FAM168B: variants seen among roughly 807,000 people sequenced by gnomAD.
FAM168B encodes the protein family with sequence similarity 168 member B, also known as myelin-associated neurite-outgrowth inhibitor.
In FAM168B, 19 loss-of-function variants were observed where a neutral mutation model predicts 21.8. The ratio of observed to expected loss-of-function variants is 0.87; its 90% CI spans 0.61 to 1.28. The LOEUF (loss-of-function observed/expected upper bound fraction) is 1.28, where lower values mean the gene tolerates loss of function less well. FAM168B is among the 50% of genes most tolerant of loss of function. The probability of loss-of-function intolerance (pLI) is 0.00; values close to 1 mark genes in which losing one functional copy is unlikely to be tolerated. For synonymous variants in FAM168B, 126 were observed against 104.8 expected (o/e 1.20, Z -1.24); for missense variants, 233 against 263.1 (o/e 0.89, Z 0.79).
chr2:131,073,238 G>A (rs1342341308), intron 2 of FAM168B, among the ~76,000 whole-genome samples: 1 of 151,654 alleles, frequency 6.6e-6, no homozygotes, highest in East Asian at 1.9e-4. Flanking sequence ...GACTACAGGC[G>A]TGCACCACCA....
At chr2:131,054,236 T>TA (rs879882436) in intron 5 of FAM168B, among the ~76,000 whole-genome samples, 3,064 of 136,530 alleles carry the variant, frequency 0.022, 101 homozygotes, top group African/African-American at 0.074. Context: ...ATTTTAAAAT[T>TA]AAAAAAAAAA....
rs1447066725 is a variant in FAM168B at position 131,049,304 on chromosome 2, C to T, written c.*3161G>A. On this transcript the variant is annotated 3_prime_UTR_variant, in exon 7 of 7. Transcript: ENST00000389915. ...GGGCAAGACACTCACTGACCAGGTG[C>T]CCACCCCAAGGCTCAGGACCACCCC... 3 of 985,494 alleles carry T rather than the reference C, an allele frequency of 3.0e-6. No individual in the cohort carries two copies. The highest frequency in any genetic ancestry group is 3.6e-6 in the Non-Finnish European group (3 of 830,018). 61.0% of individuals were successfully genotyped at this position (985,494 alleles called of 1,614,324 possible). A position where few individuals can be genotyped will look rare whatever the true frequency, so the allele number is the denominator to read the frequency against.
Position 131,081,253 on chromosome 2 carries a change from T to A in FAM168B, c.70+1324A>T, listed in dbSNP as rs574966041. Among the ~76,000 whole-genome samples, 6 of 152,352 alleles carry A rather than the reference T, an allele frequency of 3.9e-5. No homozygotes were observed. In the South Asian group the frequency reaches 1.2e-3, roughly 32 times the overall value. On this transcript the variant is annotated intron_variant, in intron 2 of 6. Coordinates refer to ENST00000389915, the MANE Select transcript of FAM168B (RefSeq NM_001009993.4). ...CTAAACTTGGCTATGTGACATAGCA[T>A]CTACCTGATGGTTCTTCTCCTGCAG...
chr2:131,053,899 AAAC>A (rs1691850111), intron 5 of FAM168B, among the ~76,000 whole-genome samples: 1 of 151,982 alleles, frequency 6.6e-6, no homozygotes, highest in Non-Finnish European at 1.5e-5. Context: ...AAGATGGTAA[AAAC>A]AAATAAATAA....
intron 6 of FAM168B, 49 bp from the exon 7 acceptor site, chr2:131,052,501 C>T (rs995284740): frequency 1.4e-5 from 14 of 1,011,728 alleles, no homozygotes; most frequent in Non-Finnish European, 1.5e-5. Flanking sequence ...CTTCCGGCAC[C>T]GCTATTCCAA....
At chr2:131,062,352 C>T (rs921768133) in intron 3 of FAM168B, among the ~76,000 whole-genome samples, 1 of 152,226 alleles carries the variant, frequency 6.6e-6, no homozygotes, top group South Asian at 2.1e-4. Context: ...TCGAGGGGCC[C>T]ACCTACGATG....
intron 1 of FAM168B, among the ~76,000 whole-genome samples, chr2:131,090,636 C>T (rs1056306880): frequency 3.3e-5 from 5 of 152,104 alleles, no homozygotes; most frequent in Non-Finnish European, 7.4e-5. Context: ...GAGGCTGGGG[C>T]AGGAGGACTG....
Position 131,076,956 on chromosome 2 carries a change from G to A in FAM168B, c.71-5018C>T, listed in dbSNP as rs78362795. Among the ~76,000 whole-genome samples, 44 of 152,052 alleles carry A rather than the reference G, an allele frequency of 2.9e-4. No individual in the cohort carries two copies. The East Asian group carries it at 8.4e-3, about 29-fold the overall frequency. On this transcript the variant is annotated intron_variant, in intron 2 of 6. Coordinates refer to ENST00000389915, the MANE Select transcript of FAM168B (RefSeq NM_001009993.4). ...CACATTCTGTTAGCCAGGCTGTGGG[G>A]AAATCGTCTCACACTGCTGATAAGA...
chr2:131,079,987 G>A (rs1302986486), intron 2 of FAM168B, among the ~76,000 whole-genome samples: 2 of 151,330 alleles, frequency 1.3e-5, no homozygotes, highest in East Asian at 2.0e-4. Context: ...CATGGTGGCA[G>A]GCGCCTGTAA....
chr2:131,060,485 A>T (rs909980741), intron 3 of FAM168B, among the ~76,000 whole-genome samples: 1 of 152,238 alleles, frequency 6.6e-6, no homozygotes, highest in African/African-American at 2.4e-5. Context: ...ATTGAAAGAG[A>T]TAAGAGACAT....
At position 131,079,990 on chromosome 2, in the gene FAM168B, G is replaced by A. The variant is rs183507797; in HGVS notation, c.70+2587C>T. ...ACATTAGCTGGGCATGGTGGCAGGC[G>A]CCTGTAATCCCAGCAACTCAGGAGG... On this transcript the variant is annotated intron_variant, in intron 2 of 6. Coordinates refer to ENST00000389915, the MANE Select transcript of FAM168B (RefSeq NM_001009993.4). 4.0e-3 allele frequency among the ~76,000 whole-genome samples: 605 copies of A among 151,170 alleles called. 3 individuals are homozygous for A. The highest frequency in any genetic ancestry group is 6.4e-3 in the Non-Finnish European group (434 of 67,670).
chr2:131,091,634 G>C (rs536390756), intron 1 of FAM168B, among the ~76,000 whole-genome samples: 1 of 150,606 alleles, frequency 6.6e-6, no homozygotes, highest in Non-Finnish European at 1.5e-5. Context: ...GCGACAGAGC[G>C]ACACTCCGTC....
At chr2:131,089,835 C>G (rs1693915667) in intron 1 of FAM168B, among the ~76,000 whole-genome samples, 1 of 151,600 alleles carries the variant, frequency 6.6e-6, no homozygotes, top group African/African-American at 2.4e-5. Flanking sequence ...AATTCCAGAC[C>G]AGCCTGGCCA....
At chr2:131,090,988 C>T (rs966391252) in intron 1 of FAM168B, among the ~76,000 whole-genome samples, 26 of 152,314 alleles carry the variant, frequency 1.7e-4, no homozygotes, top group African/African-American at 6.0e-4. Context: ...CCTCAGCCTC[C>T]CAAAGTGCAG....
chr2:131,090,568 C>A lies in FAM168B; in HGVS notation c.-12+2646G>T, dbSNP rs868536798. Reference sequence around the variant, plus strand: ...ATTGGAAATTCTCAGTAATGTCTGGCAACATCAACAAGAGCTTGTAGACTT... The same window carrying A: ...ATTGGAAATTCTCAGTAATGTCTGGAAACATCAACAAGAGCTTGTAGACTT... On this transcript the variant is annotated intron_variant, in intron 1 of 6. Transcript: ENST00000389915. 2.8e-4 allele frequency among the ~76,000 whole-genome samples: 43 copies of A among 152,190 alleles called. 1 individual carries two copies. The highest frequency in any genetic ancestry group is 9.6e-4 in the African/African-American group (40 of 41,544).
intron 2 of FAM168B, among the ~76,000 whole-genome samples, chr2:131,072,147 G>C (rs1160062330): frequency 6.6e-6 from 1 of 152,178 alleles, no homozygotes; most frequent in Non-Finnish European, 1.5e-5. Flanking sequence ...TTTTGAGACA[G>C]AGTTTCACTT....
At chr2:131,061,008 A>C (rs1476761297) in intron 3 of FAM168B, among the ~76,000 whole-genome samples, 1 of 150,836 alleles carries the variant, frequency 6.6e-6, no homozygotes, top group Non-Finnish European at 1.5e-5. Flanking sequence ...CCCACCACCA[A>C]GCCTGGCTAA....
Position 131,052,927 on chromosome 2 carries a change from G to C in FAM168B, c.564C>G (p.Tyr188Ter). Reference protein sequence around the residue: ...PTYRAPGTPTYSYVPPQW With the variant: ...PTYRAPGTPT ...ATCACCACTGAGGGGGCACATAGCT[G>C]TAAGTGGGCGTTCCTGGGGCCCGGT... The change falls in exon 6 of 7, where the codon TAC becomes TAG. Residue 188 changes from tyrosine to a stop codon, truncating the protein, a stop_gained. Coordinates refer to ENST00000389915, the MANE Select transcript of FAM168B (RefSeq NM_001009993.4). LOFTEE classifies it high-confidence loss of function. 1 of 1,562,188 alleles carries C rather than the reference G, an allele frequency of 6.4e-7. No individual in the cohort carries two copies. Among genetic ancestry groups the C allele is most frequent in the Non-Finnish European group, 8.7e-7 (1 of 1,152,340 alleles).
chr2:131,086,456 A>G (rs1693702513), intron 1 of FAM168B, among the ~76,000 whole-genome samples: 1 of 152,186 alleles, frequency 6.6e-6, no homozygotes, highest in Non-Finnish European at 1.5e-5. Flanking sequence ...TACAAAAAGT[A>G]AAAAGATCAG....
Sources: allele counts gnomAD v4.1 joint callset (sites outside exome capture counted in the v4.1 genomes callset), GRCh38; gene constraint gnomAD v4.1.1; transcripts MANE v1.5; gene names NCBI Gene and HGNC (gene_info 2026-07-23, HGNC 2026-07-21).